RHBG: variants seen among roughly 807,000 people sequenced by gnomAD.
The protein encoded by RHBG is ammonium transporter Rh type B.
In RHBG, 39 loss-of-function variants were observed where a neutral mutation model predicts 40.1. The ratio of observed to expected loss-of-function variants is 0.97; its 90% CI spans 0.75 to 1.27. RHBG has a LOEUF of 1.27. RHBG is among the 50% of genes most tolerant of loss of function. The pLI, the probability that RHBG is intolerant of heterozygous loss-of-function variation, is 0.00. For missense variants in RHBG, 549 were observed against 588.1 expected (o/e 0.93, Z 0.69); for synonymous variants, 237 against 252.5 (o/e 0.94, Z 0.58).
At chr1:156,382,715 C>T (rs1204839287) in intron 7 of RHBG, 33 bp from the exon 8 acceptor site, 1 of 1,613,164 alleles carries the variant, frequency 6.2e-7, no homozygotes. Flanking sequence ...TCTCTCCCTA[C>T]CCCTGCCTTT....
intron 1 of RHBG, among the ~76,000 whole-genome samples, chr1:156,370,472 C>T (rs1179326230): frequency 1.4e-5 from 2 of 147,792 alleles, no homozygotes; most frequent in African/African-American, 2.5e-5. Flanking sequence ...ATTAGCCGAG[C>T]GTGGTGGCAG....
rs748520513 is a variant in RHBG, at chr1:156,382,072, T to C, written c.983T>C (p.Ile328Thr). ...ATGATCTGTCTTGCCCTCCAGCCCA[T>C]CCTTGAATCAAAATTCAAAGTCCAA... ...STLGYKFFTP[I>T]LESKFKVQDT... Residue 328 changes from isoleucine (I) to threonine (T), a missense_variant, in exon 7 of 10, where the codon ATC (isoleucine) becomes ACC (threonine). Physicochemically the swap from Ile to Thr is moderately conservative, Grantham distance 89. Coordinates refer to ENST00000537040, the MANE Select transcript of RHBG (RefSeq NM_020407.5). The C allele has an allele frequency of 9.3e-6, 15 of 1,610,142 alleles. No individual in the cohort carries two copies. Among genetic ancestry groups the C allele is most frequent in the Non-Finnish European group, 1.1e-5 (13 of 1,176,954 alleles).
At chr1:156,374,236 A>G (rs1298931519) in intron 1 of RHBG, among the ~76,000 whole-genome samples, 1 of 152,164 alleles carries the variant, frequency 6.6e-6, no homozygotes, top group Non-Finnish European at 1.5e-5. Context: ...CTGAGATGGA[A>G]CAGTATCAAT....
chr1:156,378,966 A>G (rs759823015), intron 4 of RHBG, among the ~76,000 whole-genome samples: 2 of 151,038 alleles, frequency 1.3e-5, no homozygotes, highest in Non-Finnish European at 2.9e-5. Flanking sequence ...GAGCCCTGTC[A>G]TCTGTCATCA....
chr1:156,377,608 G>C lies in RHBG; in HGVS notation c.374+121G>C. On this transcript the variant is annotated intron_variant, in intron 2 of 9. Transcript: ENST00000537040. This position sits in a 1 kb window ranked among gnomAD's most constrained non-coding sequence, Gnocchi z 4.6. Reference sequence around the variant, plus strand: ...TGACTCACGATTCTGGGCGTCACTTGGTTTCTCTAGGTGTCCTGCCTGTCC... The same window carrying C: ...TGACTCACGATTCTGGGCGTCACTTCGTTTCTCTAGGTGTCCTGCCTGTCC... 5 of 1,021,742 alleles carry C rather than the reference G, an allele frequency of 4.9e-6. No individual in the cohort carries two copies. The highest frequency in any genetic ancestry group is 7.0e-6 in the Non-Finnish European group (5 of 712,602). The allele number at this position is 1,021,742 out of a possible 1,614,324, so 63.3% of individuals were successfully genotyped here.
intron 1 of RHBG, among the ~76,000 whole-genome samples, chr1:156,370,436 G>A (rs866436918): frequency 7.5e-5 from 10 of 133,666 alleles, no homozygotes; most frequent in African/African-American, 1.2e-4. Context: ...GTGACAGAGC[G>A]AGACTCCATC....
At chr1:156,374,926 G>GAAAA (rs1667089149) in intron 1 of RHBG, among the ~76,000 whole-genome samples, 1 of 152,074 alleles carries the variant, frequency 6.6e-6, no homozygotes, top group Non-Finnish European at 1.5e-5. Context: ...GTATTCCACT[G>GAAAA]TGTATATGTA....
At chr1:156,380,351 C>T (rs115378118) in intron 4 of RHBG, among the ~76,000 whole-genome samples, 2 of 151,852 alleles carry the variant, frequency 1.3e-5, no homozygotes, top group East Asian at 2.0e-4. Context: ...CCGCCTGCCT[C>T]GAGCCTCCCA....
intron 1 of RHBG, among the ~76,000 whole-genome samples, chr1:156,376,250 A>T (rs1240630284): frequency 6.6e-6 from 1 of 151,880 alleles, no homozygotes; most frequent in Non-Finnish European, 1.5e-5. Flanking sequence ...ATGTTGCACA[A>T]CTCCAGGGGG....
intron 1 of RHBG, among the ~76,000 whole-genome samples, chr1:156,373,874 G>T (rs1489698170): frequency 6.6e-6 from 1 of 152,128 alleles, no homozygotes; most frequent in South Asian, 2.1e-4. Flanking sequence ...AGAACTTAGG[G>T]TGCAGGCTGA....
chr1:156,369,547 T>A (rs1038762651), intron 1 of RHBG, 111 bp downstream of exon 1: 4 of 1,202,092 alleles, frequency 3.3e-6, no homozygotes, highest in Non-Finnish European at 4.6e-6. Flanking sequence ...GGCAGCCGTC[T>A]CGCTCTGAGG....
chr1:156,379,346 A>G (rs1230255700), intron 4 of RHBG, among the ~76,000 whole-genome samples: 1 of 151,556 alleles, frequency 6.6e-6, no homozygotes, highest in Non-Finnish European at 1.5e-5. Flanking sequence ...CTGTTCCTCT[A>G]TTTTCATAAC....
rs780785562 is a variant in RHBG, at chr1:156,378,011, T to C, written c.396T>C (p.Cys132=). 74 of 1,553,894 alleles carry C rather than the reference T, an allele frequency of 4.8e-5. 2 individuals are homozygous for C. In the South Asian group the frequency reaches 7.5e-4, roughly 16 times the overall value. The part of the protein sequence containing the change: ...GVESMINADF[C]AGAVLISFGA... ...CCAGCATGATCAATGCTGACTTTTG[T>C]GCGGGGGCCGTGCTCATCTCCTTTG... Residue 132 remains cysteine, a synonymous_variant, in exon 3 of 10, where the codon TGT becomes TGC. Transcript: ENST00000537040.
At chr1:156,383,370 G>A (rs1052225673) in intron 8 of RHBG, among the ~76,000 whole-genome samples, 2 of 152,204 alleles carry the variant, frequency 1.3e-5, no homozygotes, top group African/African-American at 2.4e-5. Context: ...TCTGTCTCCC[G>A]GGTTCAAGCC....
chr1:156,373,442 T>C (rs1382207307), intron 1 of RHBG, among the ~76,000 whole-genome samples: 7 of 143,282 alleles, frequency 4.9e-5, no homozygotes, highest in Non-Finnish European at 1.1e-4. Flanking sequence ...TAAAAAAGTG[T>C]ATGGATTTGG....
chr1:156,381,274 GC>G, intron 4 of RHBG, 72 bp from the exon 5 acceptor site: 1 of 1,493,454 alleles, frequency 6.7e-7, no homozygotes, highest in Non-Finnish European at 9.3e-7. Context: ...TGATTTGCCT[GC>G]AGTTATACAA....
intron 1 of RHBG, among the ~76,000 whole-genome samples, chr1:156,374,163 G>T (rs1402702896): frequency 6.6e-6 from 1 of 152,062 alleles, no homozygotes; most frequent in Non-Finnish European, 1.5e-5. Flanking sequence ...GAACCCTATT[G>T]CGAACTGTGC....
At chr1:156,384,076 C>A (rs775937276) in intron 8 of RHBG, among the ~76,000 whole-genome samples, 1 of 151,798 alleles carries the variant, frequency 6.6e-6, no homozygotes, top group Non-Finnish European at 1.5e-5. Flanking sequence ...TTAAGTGACC[C>A]ATCTGCCTCA....
intron 4 of RHBG, among the ~76,000 whole-genome samples, chr1:156,380,065 T>C (rs1667509329): frequency 6.6e-6 from 1 of 152,014 alleles, no homozygotes; most frequent in Non-Finnish European, 1.5e-5. Flanking sequence ...CCCAGCATAG[T>C]CCCTGACATG....
Sources: allele counts gnomAD v4.1 joint callset (sites outside exome capture counted in the v4.1 genomes callset), GRCh38; gene constraint gnomAD v4.1.1; non-coding constraint Gnocchi (gnomAD v3.1); transcripts MANE v1.5; gene names NCBI Gene and HGNC (gene_info 2026-07-23, HGNC 2026-07-21).